OGG1: variants seen among roughly 807,000 people sequenced by gnomAD.
OGG1 encodes the protein N-glycosylase/DNA lyase.
In OGG1, 35 loss-of-function variants were observed where a neutral mutation model predicts 42.3. That is an observed-to-expected ratio of 0.83 (90% confidence interval 0.63 to 1.10). The LOEUF (loss-of-function observed/expected upper bound fraction) is 1.10. Ranked by LOEUF, OGG1 falls within the 50% of genes least tolerant of loss-of-function variation. The pLI is 0.00. For synonymous variants in OGG1, 189 were observed against 179.0 expected (o/e 1.06, Z -0.44); for missense variants, 484 against 446.7 (o/e 1.08, Z -0.75).
chr3:9,751,500 G>A (rs575145364), intron 2 of OGG1, among the ~76,000 whole-genome samples: 2 of 152,204 alleles, frequency 1.3e-5, no homozygotes, highest in Admixed American at 6.5e-5. Flanking sequence ...CTGTGTGACC[G>A]GGGATACACC....
At chr3:9,758,030 A>G, downstream of OGG1, 1 of 834,374 alleles carries the variant, frequency 1.2e-6, no homozygotes, top group Non-Finnish European at 1.8e-6. Flanking sequence ...ACACACACAC[A>G]CGCACATATG....
chr3:9,780,295 A>G lies in OGG1; in HGVS notation c.295-1218A>G, dbSNP rs141327588. On this transcript the variant is annotated intron_variant, in intron 2 of 3. Transcript: ENST00000426518. Reference sequence around the variant, plus strand: ...GGCCAATGTTTCCTGTGCCCAAAGAAGGAAGTGGGCCTCCCTTCCCCTCCC... The same window carrying G: ...GGCCAATGTTTCCTGTGCCCAAAGAGGGAAGTGGGCCTCCCTTCCCCTCCC... 7.3e-4 allele frequency: 1,105 copies of G among 1,514,458 alleles called. 1 individual carries two copies. The highest frequency in any genetic ancestry group is 9.1e-4 in the Middle Eastern group (5 of 5,504). The allele number at this position is 1,514,458 out of a possible 1,614,324, so 93.8% of individuals were successfully genotyped here.
downstream of OGG1, chr3:9,759,155 C>T: frequency 6.6e-7 from 1 of 1,520,482 alleles, no homozygotes; most frequent in Non-Finnish European, 9.1e-7. Context: ...CATTATTCCG[C>T]TATGCCTCAC....
At chr3:9,755,160 A>G (rs772948941) in intron 4 of OGG1, among the ~76,000 whole-genome samples, 3 of 152,212 alleles carry the variant, frequency 2.0e-5, no homozygotes, top group Non-Finnish European at 4.4e-5. Flanking sequence ...AGGAAATTGC[A>G]GGAAACTAAA....
At chr3:9,759,113 T>A, downstream of OGG1, 1 of 1,248,232 alleles carries the variant, frequency 8.0e-7, no homozygotes, top group Non-Finnish European at 1.2e-6. Flanking sequence ...CTGGCCAGGC[T>A]TAGCACTTGC....
chr3:9,780,363 A>G (rs1327023728), intron 2 of OGG1: 2 of 1,612,052 alleles, frequency 1.2e-6, no homozygotes, highest in Admixed American at 1.7e-5. Flanking sequence ...AGGGCTACCC[A>G]TCCAGCAGCT....
chr3:9,765,885 G>C, exon 8 of OGG1: 5 of 1,614,028 alleles, frequency 3.1e-6, no homozygotes, highest in African/African-American at 1.3e-5. Flanking sequence ...CTCCGAGAAG[G>C]CCCCCCTATC....
At chr3:9,765,624 T>C in intron 7 of OGG1, 1 of 1,048,254 alleles carries the variant, frequency 9.5e-7, no homozygotes, top group Non-Finnish European at 1.4e-6. Flanking sequence ...CAAGTGGAAA[T>C]TGTGATCCCC....
rs753202180 is a variant in OGG1, at chr3:9,750,291, C to T, written c.5C>T (p.Pro2Leu). The T allele has an allele frequency of 6.2e-6, 10 of 1,610,348 alleles. No individual in the cohort carries two copies. Among genetic ancestry groups the T allele is most frequent in the Admixed American group, 5.0e-5 (3 of 59,928 alleles). The change falls in exon 1 of 7, where the codon CCT (proline) becomes CTT (leucine). Residue 2 changes from proline (P) to leucine (L), a missense_variant. Transcript: ENST00000344629. The part of the protein sequence containing the change: M[P>L]ARALLPRRMG... ...GGGGCGGTGCCTGCTGTGGAAATGC[C>T]TGCCCGCGCGCTTCTGCCCAGGCGC...
intron 2 of OGG1, among the ~76,000 whole-genome samples, chr3:9,776,696 T>G (rs146464512): frequency 4.4e-4 from 67 of 152,288 alleles, no homozygotes; most frequent in East Asian, 2.7e-3. Context: ...GCCTGCAGTC[T>G]TCTTATTGCT....
At chr3:9,752,562 G>A (rs932445652) in intron 3 of OGG1, among the ~76,000 whole-genome samples, 2 of 149,932 alleles carry the variant, frequency 1.3e-5, no homozygotes, top group Non-Finnish European at 3.0e-5. Context: ...ATTCAAGCTG[G>A]TATCATTGTA....
At chr3:9,752,184 T>A in intron 3 of OGG1, 2 of 583,370 alleles carry the variant, frequency 3.4e-6, no homozygotes, top group South Asian at 2.0e-5. Flanking sequence ...ATCAGAAAAA[T>A]ATCTGTATAC....
At chr3:9,759,065 T>A, downstream of OGG1, 1 of 816,800 alleles carries the variant, frequency 1.2e-6, no homozygotes, top group East Asian at 2.4e-5. Flanking sequence ...CTTCTCTAAA[T>A]TGGGCTCCTG....
downstream of OGG1, among the ~76,000 whole-genome samples, chr3:9,791,039 G>A (rs1041036058): frequency 6.6e-6 from 1 of 152,188 alleles, no homozygotes; most frequent in South Asian, 2.1e-4. Flanking sequence ...GGGGATGAGT[G>A]GGGTGCCAAT....
chr3:9,787,007 T>C, intron 3 of OGG1: 3 of 1,613,946 alleles, frequency 1.9e-6, no homozygotes, highest in Non-Finnish European at 2.5e-6. Flanking sequence ...GCTGCTCACC[T>C]CCACCAGGGC....
intron 3 of OGG1, among the ~76,000 whole-genome samples, chr3:9,784,576 G>T (rs750760177): frequency 6.6e-6 from 1 of 151,576 alleles, no homozygotes; most frequent in Non-Finnish European, 1.5e-5. Context: ...TAAATATATT[G>T]TAAGTAAGCC....
At chr3:9,781,282 A>AATAT (rs145898207) in intron 2 of OGG1, among the ~76,000 whole-genome samples, 1 of 150,798 alleles carries the variant, frequency 6.6e-6, no homozygotes, top group Non-Finnish European at 1.5e-5. Flanking sequence ...CTGTCTCTAA[A>AATAT]ATATATATAT....
At chr3:9,784,453 G>A (rs916062857) in intron 3 of OGG1, among the ~76,000 whole-genome samples, 1 of 151,980 alleles carries the variant, frequency 6.6e-6, no homozygotes, top group Non-Finnish European at 1.5e-5. Flanking sequence ...AACCCAGAGA[G>A]AATTACTATT....
chr3:9,755,380 G>A (rs543196374), intron 4 of OGG1, among the ~76,000 whole-genome samples: 9 of 151,294 alleles, frequency 5.9e-5, no homozygotes, highest in East Asian at 2.0e-4. Flanking sequence ...TGTTCCTTTC[G>A]TAAAATGACA....
Sources: gnomAD v4.1 joint callset for allele counts (sites outside exome capture counted in the v4.1 genomes callset) on GRCh38, gnomAD v4.1.1 for gene constraint, MANE v1.5 for transcripts, NCBI Gene and HGNC (gene_info 2026-07-23, HGNC 2026-07-21) for gene names.